E2F3: variants seen among roughly 807,000 people sequenced by gnomAD.
The protein encoded by E2F3 is E2F transcription factor 3.
A neutral mutation model predicts 44.4 loss-of-function variants in E2F3; 11 were observed. The observed-to-expected ratio is 0.25, with a 90% confidence interval of 0.16 to 0.41. E2F3 has a LOEUF of 0.41. E2F3 is among the 10% of genes least tolerant of loss of function. E2F3 has a pLI of 1.00. For missense variants in E2F3, 487 were observed against 583.6 expected (o/e 0.83, Z 1.70); for synonymous variants, 249 against 253.0 (o/e 0.98, Z 0.15).
intron 1 of E2F3, among the ~76,000 whole-genome samples, chr6:20,475,138 A>G (rs1194152831): frequency 6.6e-6 from 1 of 152,190 alleles, no homozygotes. Flanking sequence ...ATGGACCTTC[A>G]CTTTCTAGAC....
intron 1 of E2F3, among the ~76,000 whole-genome samples, chr6:20,424,720 A>G (rs775460498): frequency 1.3e-5 from 2 of 152,108 alleles, no homozygotes; most frequent in Admixed American, 6.6e-5. Context: ...CACTTATTAG[A>G]TAGTCTACTG....
At chr6:20,439,720 A>G (rs1760709308) in intron 1 of E2F3, among the ~76,000 whole-genome samples, 1 of 152,038 alleles carries the variant, frequency 6.6e-6, no homozygotes, top group African/African-American at 2.4e-5. Context: ...CTTTGTAGAG[A>G]GGGGTCTCAC....
chr6:20,477,752 G>A (rs191821991), intron 1 of E2F3, among the ~76,000 whole-genome samples: 73 of 152,274 alleles, frequency 4.8e-4, no homozygotes, highest in African/African-American at 1.6e-3. Flanking sequence ...AGAGAAAATA[G>A]ATTTACTATT....
intron 1 of E2F3, among the ~76,000 whole-genome samples, chr6:20,453,930 A>G (rs917390832): frequency 6.6e-6 from 1 of 152,234 alleles, no homozygotes; most frequent in Non-Finnish European, 1.5e-5. Flanking sequence ...TTGTCCTCCA[A>G]GGATAATATT....
rs1488349402 is a variant in E2F3 at position 20,490,804 on chromosome 6, G to A, written c.*374G>A. ...GCTGTAGAATGGGGTCTGGCCACCT[G>A]GCCTGCTGGGAAACAGCAATCTTCC... On this transcript the variant is annotated 3_prime_UTR_variant, in exon 7 of 7. Transcript: ENST00000346618. This position sits in a 1 kb window ranked among gnomAD's most constrained non-coding sequence, Gnocchi z 4.3. The A allele has an allele frequency of 2.6e-5, 6 of 234,514 alleles. No individual in the cohort carries two copies. Among genetic ancestry groups the A allele is most frequent in the Non-Finnish European group, 4.2e-5 (5 of 119,522 alleles). The allele number at this position is 234,514 out of a possible 1,614,324, so 14.5% of individuals were successfully genotyped here.
chr6:20,441,858 G>A (rs1581604729), intron 1 of E2F3, among the ~76,000 whole-genome samples: 1 of 151,366 alleles, frequency 6.6e-6, no homozygotes, highest in East Asian at 1.9e-4. Context: ...ATGAGCCACC[G>A]CTTCCGGCCA....
intron 1 of E2F3, among the ~76,000 whole-genome samples, chr6:20,459,166 G>A (rs1414582306): frequency 1.3e-5 from 2 of 152,200 alleles, no homozygotes; most frequent in African/African-American, 4.8e-5. Flanking sequence ...CAGCTACTCG[G>A]GAGGCTGAGG....
chr6:20,410,430 T>C (rs1276241148), intron 1 of E2F3, among the ~76,000 whole-genome samples: 1 of 152,200 alleles, frequency 6.6e-6, no homozygotes, highest in African/African-American at 2.4e-5. Flanking sequence ...TTTCATTTCC[T>C]CATCTGTAAA....
chr6:20,454,391 G>A (rs566332867), intron 1 of E2F3, among the ~76,000 whole-genome samples: 7 of 152,296 alleles, frequency 4.6e-5, no homozygotes, highest in Admixed American at 2.0e-4. Context: ...CCTTGTGGGC[G>A]GATGGGTTTG....
intron 1 of E2F3, among the ~76,000 whole-genome samples, chr6:20,407,769 T>A (rs1439306576): frequency 2.6e-5 from 4 of 152,238 alleles, no homozygotes; most frequent in Admixed American, 2.6e-4. Context: ...ATATTCCATT[T>A]GTAGGACCAG....
chr6:20,446,227 G>A (rs908413820), intron 1 of E2F3, among the ~76,000 whole-genome samples: 1 of 152,046 alleles, frequency 6.6e-6, no homozygotes, highest in South Asian at 2.1e-4. Flanking sequence ...GTTATTAGAC[G>A]GGTTGAAGTC....
intron 1 of E2F3, among the ~76,000 whole-genome samples, chr6:20,455,745 CA>C (rs879574956): frequency 6.6e-6 from 1 of 152,180 alleles, no homozygotes; most frequent in Non-Finnish European, 1.5e-5. Context: ...AAAGCTTTGA[CA>C]GGGGTGCCAT....
chr6:20,484,244 T>G (rs754515134), intron 4 of E2F3, among the ~76,000 whole-genome samples: 2 of 152,170 alleles, frequency 1.3e-5, no homozygotes, highest in Non-Finnish European at 2.9e-5. Flanking sequence ...AGGAGTAAAT[T>G]CAGGAGGGAG....
chr6:20,459,178 A>G (rs369730919), intron 1 of E2F3, among the ~76,000 whole-genome samples: 6 of 152,332 alleles, frequency 3.9e-5, no homozygotes, highest in African/African-American at 1.4e-4. Flanking sequence ...AGGCTGAGGC[A>G]GGAGTCTCAC....
chr6:20,467,969 T>C (rs1334333390), intron 1 of E2F3, among the ~76,000 whole-genome samples: 1 of 152,058 alleles, frequency 6.6e-6, no homozygotes, highest in Non-Finnish European at 1.5e-5. Flanking sequence ...TTATCTGTTT[T>C]CTTCCCAAAC....
At chr6:20,403,098 C>A (rs974391405) in intron 1 of E2F3, among the ~76,000 whole-genome samples, 1 of 151,586 alleles carries the variant, frequency 6.6e-6, no homozygotes, top group Non-Finnish European at 1.5e-5. Flanking sequence ...CTTGGAGGCT[C>A]GTTGGCGGCC....
At chr6:20,430,373 C>T (rs73382480) in intron 1 of E2F3, among the ~76,000 whole-genome samples, 9,843 of 152,198 alleles carry the variant, frequency 0.065, 755 homozygotes, top group African/African-American at 0.19. Flanking sequence ...ATACCACTCA[C>T]GTCTGACATC....
intron 1 of E2F3, among the ~76,000 whole-genome samples, chr6:20,455,868 T>C (rs1561869372): frequency 1.3e-5 from 2 of 152,046 alleles, no homozygotes; most frequent in Non-Finnish European, 2.9e-5. Flanking sequence ...GAAAGAACTC[T>C]GAAATGATAC....
At chr6:20,468,006 C>T (rs374533658) in intron 1 of E2F3, among the ~76,000 whole-genome samples, 1 of 152,112 alleles carries the variant, frequency 6.6e-6, no homozygotes, top group Admixed American at 6.5e-5. Context: ...CTAGCAGTCC[C>T]GATTCTGACA....
Sources: gnomAD v4.1 joint callset for allele counts (sites outside exome capture counted in the v4.1 genomes callset) on GRCh38, gnomAD v4.1.1 for gene constraint, Gnocchi (gnomAD v3.1) non-coding constraint, MANE v1.5 for transcripts, NCBI Gene and HGNC (gene_info 2026-07-23, HGNC 2026-07-21) for gene names.